The following EFCAB8 variants were observed in gnomAD, a reference collection of about 807,000 sequenced individuals.
The protein encoded by EFCAB8 is EF-hand calcium binding domain 8.
Under a neutral mutation model 116.3 loss-of-function variants are expected in EFCAB8, and 100 were observed. The ratio of observed to expected loss-of-function variants is 0.86; its 90% CI spans 0.73 to 1.02. The LOEUF (loss-of-function observed/expected upper bound fraction) is 1.02, where lower values mean the gene tolerates loss of function less well. Ranked by LOEUF, EFCAB8 falls within the 50% of genes least tolerant of loss-of-function variation. The probability of loss-of-function intolerance (pLI) is 0.00; values close to 1 mark genes in which losing one functional copy is unlikely to be tolerated. For synonymous variants in EFCAB8, 558 were observed against 567.9 expected, an observed-to-expected ratio of 0.98 and a Z score of 0.25; for missense variants, 1,320 against 1,416.9, an observed-to-expected ratio of 0.93 and a Z score of 1.10.
chr20:32,961,402 C>T lies in EFCAB8; in HGVS notation c.3660C>T (p.Phe1220=). The T allele has an allele frequency of 2.1e-6, 3 of 1,458,422 alleles. No individual in the cohort carries two copies. The East Asian group carries it at 7.5e-5, about 36-fold the overall frequency. 90.3% of individuals were successfully genotyped at this position (1,458,422 alleles called of 1,614,324 possible). Residue 1220 remains phenylalanine (F), a synonymous_variant, in exon 27 of 27, where the codon TTC becomes TTT. Coordinates refer to ENST00000400522, the MANE Select transcript of EFCAB8 (RefSeq NM_001143967.2). Reference sequence around the variant, plus strand: ...TGCTGGACTCCAGCTTGCCCACCTTCCTGACGCCCCAGTTCTCCTTCTTGC... The same window carrying T: ...TGCTGGACTCCAGCTTGCCCACCTTTCTGACGCCCCAGTTCTCCTTCTTGC... ...SRLLDSSLPT[F]LTPQFSFLLR...
intron 7 of EFCAB8, among the ~76,000 whole-genome samples, chr20:32,890,975 G>A (rs1307355656): frequency 6.6e-6 from 1 of 152,220 alleles, no homozygotes. Flanking sequence ...TCAGCCGTCA[G>A]CAAGGGCTAG....
At chr20:32,931,672 C>T (rs910732003) in intron 22 of EFCAB8, among the ~76,000 whole-genome samples, 5 of 152,116 alleles carry the variant, frequency 3.3e-5, no homozygotes, top group African/African-American at 1.2e-4. Context: ...GCAGGAGAAT[C>T]GCTTGAACCT....
intron 19 of EFCAB8, 107 bp from the exon 20 acceptor site, chr20:32,919,971 C>G (rs1395752104): frequency 7.1e-7 from 1 of 1,409,726 alleles, no homozygotes; most frequent in Non-Finnish European, 9.7e-7. Flanking sequence ...GTACCTACTG[C>G]GGGGGCTTGG....
chr20:32,878,923 C>T, intron 5 of EFCAB8, 116 bp downstream of exon 5: 3 of 816,758 alleles, frequency 3.7e-6, no homozygotes, highest in East Asian at 2.7e-5. Flanking sequence ...CAGGGGCTGG[C>T]ATCAGCCTGC....
intron 22 of EFCAB8, among the ~76,000 whole-genome samples, chr20:32,933,242 GT>G (rs1282365930): frequency 6.6e-6 from 1 of 152,074 alleles, no homozygotes; most frequent in Non-Finnish European, 1.5e-5. Flanking sequence ...TCTGCTCTTA[GT>G]TTTATAATGA....
chr20:32,924,218 C>G (rs374970064), intron 20 of EFCAB8, among the ~76,000 whole-genome samples: 22 of 152,150 alleles, frequency 1.4e-4, no homozygotes, highest in Middle Eastern at 3.4e-3. Flanking sequence ...TGCTACTGTG[C>G]CTGGCTCATT....
In EFCAB8 at chr20:32,875,975, T is replaced by C; in HGVS notation, c.258T>C (p.Ser86=). 6.4e-7 allele frequency: 1 copy of C among 1,552,088 alleles called. No homozygotes were observed. The highest frequency in any genetic ancestry group is 1.7e-4 in the Middle Eastern group (1 of 5,992). Residue 86 remains serine (S), a synonymous_variant, in exon 4 of 27, where the codon AGT becomes AGC. Coordinates refer to ENST00000400522, the MANE Select transcript of EFCAB8 (RefSeq NM_001143967.2). The part of the protein sequence containing the change: ...FIKAMKKVLS[S]VSDEMLKELF... ...AGGCCATGAAGAAGGTTCTGAGCAG[T>C]GTGTCGGACGAGATGCTAAAGGAGC...
At chr20:32,913,181 G>GT (rs1987023270) in intron 17 of EFCAB8, among the ~76,000 whole-genome samples, 1 of 152,188 alleles carries the variant, frequency 6.6e-6, no homozygotes. Context: ...CATAGACTGA[G>GT]TTGCTTATAA....
Position 32,867,703 on chromosome 20 carries a change from C to A in EFCAB8, c.164C>A (p.Ala55Asp). The change falls in exon 3 of 27, where the codon GCC (alanine) becomes GAC (aspartate). Residue 55 changes from alanine to aspartate, a missense_variant. By Grantham distance (126) the Ala-to-Asp change is moderately radical (BLOSUM62 -2). Transcript: ENST00000400522. ...GSQLFTEIHL[A>D]KIEKMFEEDI... ...CAGCTGTTTACTGAGATACACCTGG[C>A]CAAGATAGAGAAAATGTTTGAGGAG... is the stretch of plus-strand genomic sequence containing the variant. 1 of 1,551,624 alleles carries A rather than the reference C, an allele frequency of 6.4e-7. No individual in the cohort carries two copies. Among genetic ancestry groups the A allele is most frequent in the Non-Finnish European group, 8.7e-7 (1 of 1,146,980 alleles).
At chr20:32,877,207 C>CTTTTTTTTTTTTTTTTT (rs757130907) in intron 4 of EFCAB8, among the ~76,000 whole-genome samples, 2 of 115,052 alleles carry the variant, frequency 1.7e-5, no homozygotes, top group Non-Finnish European at 3.6e-5. Context: ...TTATTTCTTT[C>CTTTTTTTTTTTTTTTTT]TTTTTTTTTT....
chr20:32,906,022 G>A (rs1223611317), intron 11 of EFCAB8, among the ~76,000 whole-genome samples: 3 of 152,068 alleles, frequency 2.0e-5, no homozygotes, highest in Non-Finnish European at 4.4e-5. Flanking sequence ...TATCCCTAGC[G>A]CAGGGCAGTT....
intron 22 of EFCAB8, among the ~76,000 whole-genome samples, chr20:32,932,587 C>T (rs928119717): frequency 2.6e-5 from 4 of 152,104 alleles, no homozygotes; most frequent in Admixed American, 2.6e-4. Context: ...TATGCAAACA[C>T]GATGTGTAAA....
chr20:32,939,260 T>TTC (rs536679382), intron 22 of EFCAB8, among the ~76,000 whole-genome samples: 4 of 129,458 alleles, frequency 3.1e-5, no homozygotes, highest in East Asian at 2.3e-4. Flanking sequence ...TCCTTCCATA[T>TTC]TCTCTCTCTC....
chr20:32,949,077 A>C (rs1988718498), intron 23 of EFCAB8, among the ~76,000 whole-genome samples: 1 of 152,210 alleles, frequency 6.6e-6, no homozygotes, highest in South Asian at 2.1e-4. Flanking sequence ...CTATGTAGAA[A>C]ATCCAGTGGA....
chr20:32,933,031 G>A (rs1328035890), intron 22 of EFCAB8, among the ~76,000 whole-genome samples: 1 of 152,174 alleles, frequency 6.6e-6, no homozygotes, highest in Non-Finnish European at 1.5e-5. Context: ...TTTACTGCTT[G>A]CAATGTTCCA....
chr20:32,940,003 GCCTCCCTCCCTC>G (rs1297312082), intron 22 of EFCAB8, among the ~76,000 whole-genome samples: 1 of 57,930 alleles, frequency 1.7e-5, no homozygotes, highest in African/African-American at 8.4e-5. Context: ...CTGCCTGCCT[GCCTCCCTCCCTC>G]CCTCCCTCCC....
At chr20:32,942,843 A>G (rs1421374691) in intron 22 of EFCAB8, among the ~76,000 whole-genome samples, 1 of 152,136 alleles carries the variant, frequency 6.6e-6, no homozygotes, top group Non-Finnish European at 1.5e-5. Context: ...GGTTTCTCTT[A>G]TAGTTCATCA....
chr20:32,925,858 T>G (rs149122734), intron 20 of EFCAB8, among the ~76,000 whole-genome samples: 3 of 152,256 alleles, frequency 2.0e-5, no homozygotes, highest in African/African-American at 7.2e-5. Flanking sequence ...TGAGTGAGAC[T>G]GAAATGCTCA....
chr20:32,943,595 T>C (rs1399262693), intron 22 of EFCAB8, 41 bp from the exon 23 acceptor site: 4 of 416,722 alleles, frequency 9.6e-6, no homozygotes, highest in Non-Finnish European at 1.8e-5. Flanking sequence ...GCCTGTGTAG[T>C]GGTCTTGGTA....
Sources: allele counts gnomAD v4.1 joint callset (sites outside exome capture counted in the v4.1 genomes callset), GRCh38; gene constraint gnomAD v4.1.1; transcripts MANE v1.5; gene names NCBI Gene and HGNC (gene_info 2026-07-23, HGNC 2026-07-21).